The following MARK1 variants were observed in gnomAD, a reference collection of about 807,000 sequenced individuals.
The protein encoded by MARK1 is serine/threonine-protein kinase MARK1.
In MARK1, 40 loss-of-function variants were observed where a neutral mutation model predicts 96.3. That is an observed-to-expected ratio of 0.42 (90% confidence interval 0.32 to 0.54). The LOEUF is 0.54. Ranked by LOEUF, MARK1 falls within the 20% of genes least tolerant of loss-of-function variation. The pLI, the probability that MARK1 is intolerant of heterozygous loss-of-function variation, is 0.16. For missense variants in MARK1, 719 were observed against 984.6 expected (o/e 0.73, Z 3.61); for synonymous variants, 317 against 341.2 (o/e 0.93, Z 0.78).
intron 16 of MARK1, among the ~76,000 whole-genome samples, chr1:220,653,564 T>C (rs6702294): frequency 0.062 from 9,471 of 152,202 alleles, 1,039 homozygotes; most frequent in African/African-American, 0.22. Flanking sequence ...AAATGAGATT[T>C]TAAAAATCTG....
In MARK1 at chr1:220,598,337, C is replaced by A. The variant is rs755903644; in HGVS notation, c.316C>A (p.Arg106=). The change falls in exon 4 of 18, where the codon CGA becomes AGA. Residue 106 remains arginine, a synonymous_variant. Coordinates refer to ENST00000366917, the MANE Select transcript of MARK1 (RefSeq NM_018650.5). ...TACCTGTTTTCTTTAACAGTTATTT[C>A]GAGAAGTACGAATAATGAAGATACT... The part of the protein sequence containing the change: ...LNPTSLQKLF[R]EVRIMKILNH... 3.3e-6 allele frequency: 2 copies of A among 607,078 alleles called. No homozygotes were observed. Among genetic ancestry groups the A allele is most frequent in the Non-Finnish European group, 5.6e-6 (2 of 354,954 alleles). 37.6% of individuals were successfully genotyped at this position (607,078 alleles called of 1,614,324 possible).
chr1:220,595,028 C>T (rs996915592), intron 3 of MARK1, among the ~76,000 whole-genome samples: 4 of 152,066 alleles, frequency 2.6e-5, no homozygotes, highest in African/African-American at 9.7e-5. Flanking sequence ...TGATGTGTAG[C>T]TCCATCGATT....
chr1:220,633,460 T>C (rs17645763), intron 11 of MARK1, among the ~76,000 whole-genome samples: 2,411 of 152,276 alleles, frequency 0.016, 23 homozygotes, highest in Non-Finnish European at 0.019. Flanking sequence ...CCAGCTGACA[T>C]ATATTGAACC....
chr1:220,556,587 A>G (rs756902812), intron 1 of MARK1, among the ~76,000 whole-genome samples: 3 of 152,032 alleles, frequency 2.0e-5, no homozygotes, highest in Non-Finnish European at 4.4e-5. Flanking sequence ...CACCCTAAGA[A>G]CTGGAAATAA....
intron 1 of MARK1, among the ~76,000 whole-genome samples, chr1:220,568,633 A>T (rs754533265): frequency 4.6e-5 from 7 of 152,022 alleles, no homozygotes; most frequent in Non-Finnish European, 7.4e-5. Context: ...TGTTCCCTAT[A>T]CTCCCGTTTC....
chr1:220,528,803 G>C lies in MARK1; in HGVS notation c.-20G>C, dbSNP rs747475198. The C allele has an allele frequency of 6.5e-7, 1 of 1,548,924 alleles. No individual in the cohort carries two copies. Among genetic ancestry groups the C allele is most frequent in the Non-Finnish European group, 8.7e-7 (1 of 1,146,426 alleles). On this transcript the variant is annotated 5_prime_UTR_variant, in exon 1 of 18. Coordinates refer to ENST00000366917, the MANE Select transcript of MARK1 (RefSeq NM_018650.5). ...AGCCCGGCCGGCGAGACCCCGGCCA[G>C]ACCCCGCTGCCCGCACAAAATGTCG... is the stretch of plus-strand genomic sequence containing the variant.
intron 13 of MARK1, among the ~76,000 whole-genome samples, chr1:220,640,319 T>A (rs1668196958): frequency 6.6e-6 from 1 of 152,238 alleles, no homozygotes. Context: ...AGAATTGTCT[T>A]AGTCAATAGT....
intron 1 of MARK1, among the ~76,000 whole-genome samples, chr1:220,560,602 C>T (rs1662603241): frequency 6.6e-6 from 1 of 152,106 alleles, no homozygotes; most frequent in Non-Finnish European, 1.5e-5. Context: ...AGTGAGATGG[C>T]TACTAAGTGA....
chr1:220,546,689 T>A (rs12408540), intron 1 of MARK1, among the ~76,000 whole-genome samples: 1 of 152,084 alleles, frequency 6.6e-6, no homozygotes, highest in Non-Finnish European at 1.5e-5. Flanking sequence ...AAGCAACTAA[T>A]TGGCTGGGTG....
intron 17 of MARK1, among the ~76,000 whole-genome samples, chr1:220,658,106 A>G (rs1442124856): frequency 6.6e-6 from 1 of 152,252 alleles, no homozygotes; most frequent in Non-Finnish European, 1.5e-5. Context: ...AAGAATTAAT[A>G]GATTAAATGT....
At chr1:220,629,462 G>A (rs1667548238) in intron 9 of MARK1, among the ~76,000 whole-genome samples, 1 of 148,658 alleles carries the variant, frequency 6.7e-6, no homozygotes, top group East Asian at 2.0e-4. Context: ...GTACATTGTT[G>A]TACAACAGAT....
chr1:220,591,778 A>G (rs575948068), intron 3 of MARK1, among the ~76,000 whole-genome samples: 19 of 152,256 alleles, frequency 1.2e-4, no homozygotes, highest in South Asian at 6.2e-4. Flanking sequence ...GGTTCTGCCA[A>G]TTGTCATTCT....
intron 1 of MARK1, among the ~76,000 whole-genome samples, chr1:220,542,560 G>A (rs1661216808): frequency 6.6e-6 from 1 of 152,196 alleles, no homozygotes; most frequent in South Asian, 2.1e-4. Flanking sequence ...CCCTACTGAC[G>A]TGGGGCACTT....
chr1:220,651,538 C>T (rs11118587), intron 14 of MARK1, among the ~76,000 whole-genome samples: 6,340 of 152,230 alleles, frequency 0.042, 419 homozygotes, highest in African/African-American at 0.14. Flanking sequence ...ATAATATGAT[C>T]TAAAAGTGTT....
chr1:220,664,326 G>C lies in MARK1; in HGVS notation c.*2160G>C, dbSNP rs1409182511. The C allele has an allele frequency of 6.6e-6, 1 of 152,038 alleles. No individual in the cohort carries two copies. The highest frequency in any genetic ancestry group is 2.4e-5 in the African/African-American group (1 of 41,388). 9.4% of individuals were successfully genotyped at this position (152,038 alleles called of 1,614,324 possible). A position where few individuals can be genotyped will look rare whatever the true frequency, so the allele number is the denominator to read the frequency against. Reference sequence around the variant, plus strand: ...CATAAATATTTTTCAAAGATTTAGAGGAATTTTGCAATGTGTTTGCATAAA... The same window carrying C: ...CATAAATATTTTTCAAAGATTTAGACGAATTTTGCAATGTGTTTGCATAAA... On this transcript the variant is annotated 3_prime_UTR_variant, in exon 18 of 18. Coordinates refer to ENST00000366917, the MANE Select transcript of MARK1 (RefSeq NM_018650.5).
intron 3 of MARK1, among the ~76,000 whole-genome samples, chr1:220,585,359 A>G (rs1664523333): frequency 6.6e-6 from 1 of 152,216 alleles, no homozygotes; most frequent in Admixed American, 6.5e-5. Flanking sequence ...AAAGGTGTTT[A>G]AACAAGTGTT....
At chr1:220,661,730 C>T in intron 17 of MARK1, 82 bp from the exon 18 acceptor site, 1 of 1,040,426 alleles carries the variant, frequency 9.6e-7, no homozygotes, top group Non-Finnish European at 1.4e-6. Context: ...GAACTATGAC[C>T]ACTTAGATTT....
At chr1:220,659,327 A>G (rs917938644) in intron 17 of MARK1, among the ~76,000 whole-genome samples, 7 of 152,192 alleles carry the variant, frequency 4.6e-5, no homozygotes, top group Admixed American at 3.9e-4. Flanking sequence ...CAAGCCAGCT[A>G]TAATAAGGTT....
At chr1:220,597,466 T>A (rs1479062243) in intron 3 of MARK1, among the ~76,000 whole-genome samples, 1 of 152,204 alleles carries the variant, frequency 6.6e-6, no homozygotes, top group Non-Finnish European at 1.5e-5. Flanking sequence ...TGGCTTTGAT[T>A]TATATTTCCA....
Sources: allele counts gnomAD v4.1 joint callset (sites outside exome capture counted in the v4.1 genomes callset), GRCh38; gene constraint gnomAD v4.1.1; transcripts MANE v1.5; gene names NCBI Gene and HGNC (gene_info 2026-07-23, HGNC 2026-07-21).